The following PDGFD variants were observed in gnomAD, a reference collection of about 807,000 sequenced individuals.
PDGFD encodes platelet-derived growth factor D.
In PDGFD, 30 loss-of-function variants were observed where a neutral mutation model predicts 44.7. The observed-to-expected ratio is 0.67, with a 90% CI of 0.50 to 0.91. The LOEUF is 0.91. Among genes scored for constraint, PDGFD ranks in the 40% least tolerant of loss-of-function variants. The pLI, the probability that PDGFD is intolerant of heterozygous loss-of-function variation, is 0.00. For synonymous variants in PDGFD, 173 were observed against 168.4 expected (o/e 1.03, Z -0.21); for missense variants, 445 against 457.8 (o/e 0.97, Z 0.25).
intron 1 of PDGFD, among the ~76,000 whole-genome samples, chr11:104,054,574 G>A (rs943209283): frequency 2.0e-5 from 3 of 152,100 alleles, no homozygotes; most frequent in Non-Finnish European, 2.9e-5. Context: ...GCATCACGTC[G>A]GCAAAGCCTT....
chr11:104,067,533 C>G (rs1044486834), intron 1 of PDGFD, among the ~76,000 whole-genome samples: 3 of 152,092 alleles, frequency 2.0e-5, no homozygotes, highest in African/African-American at 4.8e-5. Context: ...ACCTTTCTAT[C>G]CAAAGTATCA....
chr11:104,086,012 A>G (rs919792388), intron 1 of PDGFD, among the ~76,000 whole-genome samples: 2 of 152,156 alleles, frequency 1.3e-5, no homozygotes, highest in African/African-American at 4.8e-5. Context: ...CCACTGTGGA[A>G]TTTTAAGCCG....
At chr11:103,999,342 T>C (rs1341394109) in intron 2 of PDGFD, among the ~76,000 whole-genome samples, 3 of 152,222 alleles carry the variant, frequency 2.0e-5, no homozygotes, top group African/African-American at 7.2e-5. Context: ...TCAAGTCTTA[T>C]ACATGCTAAT....
intron 1 of PDGFD, chr11:104,039,008 T>C (rs1329759625): frequency 6.0e-6 from 1 of 167,100 alleles, no homozygotes; most frequent in Non-Finnish European, 1.5e-5. Flanking sequence ...TTCAGAATTA[T>C]CCATTCTGAC....
At chr11:104,163,327 A>C (rs186329757) in intron 1 of PDGFD, among the ~76,000 whole-genome samples, 44 of 152,320 alleles carry the variant, frequency 2.9e-4, no homozygotes, top group African/African-American at 1.0e-3. Flanking sequence ...TGCTAGATTG[A>C]AACGCACGAT....
chr11:104,019,913 T>A (rs1859924178), intron 1 of PDGFD, among the ~76,000 whole-genome samples: 1 of 152,158 alleles, frequency 6.6e-6, no homozygotes, highest in South Asian at 2.1e-4. Flanking sequence ...ACTTCCTTCA[T>A]CTACAAAATA....
At chr11:104,032,090 T>C (rs766930986) in intron 1 of PDGFD, among the ~76,000 whole-genome samples, 1 of 152,098 alleles carries the variant, frequency 6.6e-6, no homozygotes, top group East Asian at 1.9e-4. Context: ...CAAACCACCA[T>C]GGCACATGTT....
At chr11:104,037,105 G>C (rs1475330757) in intron 1 of PDGFD, 1 of 1,614,178 alleles carries the variant, frequency 6.2e-7, no homozygotes, top group Admixed American at 1.7e-5. Context: ...GCCTCGTGTA[G>C]ACTTCAGTGG....
At chr11:103,925,840 C>T (rs911930557) in intron 6 of PDGFD, among the ~76,000 whole-genome samples, 99 of 151,154 alleles carry the variant, frequency 6.5e-4, no homozygotes, top group African/African-American at 2.4e-3. Context: ...GTGATTCTCC[C>T]GCCTCAGCCT....
intron 1 of PDGFD, among the ~76,000 whole-genome samples, chr11:104,010,474 T>C (rs1859766976): frequency 6.6e-6 from 1 of 152,142 alleles, no homozygotes; most frequent in Non-Finnish European, 1.5e-5. Flanking sequence ...CTAGAACTTT[T>C]AATGTACAAA....
At position 103,998,171 on chromosome 11, in the gene PDGFD, C is replaced by T. The variant is rs115444966; in HGVS notation, c.329+1880G>A. On this transcript the variant is annotated intron_variant, in intron 2 of 6. Transcript: ENST00000393158. ...CTAAAACTCTTGGAATTTCTGAGTG[C>T]TGGGGTTAGAGGAGCATCTTTTTTT... Among the ~76,000 whole-genome samples the T allele has an allele frequency of 8.1e-3, 1,231 of 152,302 alleles. 10 individuals carry two copies. The highest frequency in any genetic ancestry group is 0.027 in the African/African-American group (1,133 of 41,550).
intron 3 of PDGFD, among the ~76,000 whole-genome samples, chr11:103,954,242 T>C (rs978420353): frequency 6.6e-6 from 1 of 152,202 alleles, no homozygotes. Context: ...ATCCACTCAT[T>C]CATTCAGCAG....
At chr11:104,057,926 G>A (rs1403258542) in intron 1 of PDGFD, among the ~76,000 whole-genome samples, 2 of 152,128 alleles carry the variant, frequency 1.3e-5, no homozygotes, top group Non-Finnish European at 2.9e-5. Context: ...GGAAAGATTA[G>A]TTTTCAATAA....
chr11:103,952,591 CA>C (rs1858775939), intron 3 of PDGFD, among the ~76,000 whole-genome samples: 1 of 152,106 alleles, frequency 6.6e-6, no homozygotes, highest in Non-Finnish European at 1.5e-5. Flanking sequence ...TTCAGAGAGC[CA>C]AATGAGTTGT....
rs143540628 is a variant in PDGFD at position 103,974,588 on chromosome 11, C to T, written c.510+21477G>A. Among the ~76,000 whole-genome samples the T allele has an allele frequency of 1.8e-3, 273 of 152,148 alleles. 1 individual carries two copies. Among genetic ancestry groups the T allele is most frequent in the Middle Eastern group, 3.4e-3 (1 of 292 alleles). On this transcript the variant is annotated intron_variant, in intron 3 of 6. Transcript: ENST00000393158. ...AACTCATCATCTAGGTTTTAAGCCC[C>T]GCGTGCATTAGGTATTTGTCCTAAT...
At chr11:104,102,458 G>T (rs1861402113) in intron 1 of PDGFD, among the ~76,000 whole-genome samples, 1 of 152,136 alleles carries the variant, frequency 6.6e-6, no homozygotes, top group Admixed American at 6.6e-5. Flanking sequence ...GGAGAAATAG[G>T]AACACTTTTA....
At chr11:104,153,243 C>T (rs1862267442) in intron 1 of PDGFD, among the ~76,000 whole-genome samples, 1 of 152,128 alleles carries the variant, frequency 6.6e-6, no homozygotes, top group Admixed American at 6.5e-5. Flanking sequence ...TAAAATCTGA[C>T]AGTGAGAGGG....
intron 3 of PDGFD, among the ~76,000 whole-genome samples, chr11:103,981,745 C>T (rs2134351844): frequency 6.6e-6 from 1 of 151,814 alleles, no homozygotes; most frequent in East Asian, 1.9e-4. Context: ...CTCTTGAGGC[C>T]TTAGTTAATA....
At chr11:104,071,781 G>C (rs1462351772) in intron 1 of PDGFD, among the ~76,000 whole-genome samples, 1 of 151,260 alleles carries the variant, frequency 6.6e-6, no homozygotes, top group Non-Finnish European at 1.5e-5. Context: ...CTTTTATCTA[G>C]TATTATATAG....
Sources: allele counts gnomAD v4.1 joint callset (sites outside exome capture counted in the v4.1 genomes callset), GRCh38; gene constraint gnomAD v4.1.1; transcripts MANE v1.5; gene names NCBI Gene and HGNC (gene_info 2026-07-23, HGNC 2026-07-21).